The following SLCO3A1 variants were observed in gnomAD, a reference collection of about 807,000 sequenced individuals.
The protein encoded by SLCO3A1 is solute carrier organic anion transporter family member 3A1.
In SLCO3A1, 27 loss-of-function variants were observed where a neutral mutation model predicts 63.1. The ratio of observed to expected loss-of-function variants is 0.43; its 90% CI spans 0.32 to 0.59. SLCO3A1 has a LOEUF of 0.59. Ranked by LOEUF, SLCO3A1 falls within the 20% of genes least tolerant of loss-of-function variation. The probability of loss-of-function intolerance (pLI) is 0.09; values close to 1 mark genes in which losing one functional copy is unlikely to be tolerated. For synonymous variants in SLCO3A1, 473 were observed against 409.9 expected (o/e 1.15, Z -1.86); for missense variants, 773 against 945.8 (o/e 0.82, Z 2.40).
chr15:92,059,966 C>G (rs530665373), intron 2 of SLCO3A1, among the ~76,000 whole-genome samples: 1 of 152,246 alleles, frequency 6.6e-6, no homozygotes, highest in Admixed American at 6.5e-5. Flanking sequence ...CCTGTTGTTC[C>G]TAGGCTACAA....
chr15:92,103,966 C>T (rs2047636443), intron 3 of SLCO3A1, among the ~76,000 whole-genome samples: 1 of 152,206 alleles, frequency 6.6e-6, no homozygotes, highest in Non-Finnish European at 1.5e-5. Context: ...TTTCAGTACA[C>T]CTTAGCAGTG....
At chr15:92,113,421 C>G (rs1485580389) in intron 4 of SLCO3A1, among the ~76,000 whole-genome samples, 1 of 152,138 alleles carries the variant, frequency 6.6e-6, no homozygotes, top group African/African-American at 2.4e-5. Flanking sequence ...CCGCACCCAG[C>G]TAACATTGGG....
chr15:92,147,332 C>T (rs969889199), intron 8 of SLCO3A1, among the ~76,000 whole-genome samples, 173 bp downstream of exon 8: 1 of 151,946 alleles, frequency 6.6e-6, no homozygotes, highest in East Asian at 1.9e-4. Context: ...TTGATAGGGA[C>T]CTCCCACCAA....
rs112158631 is a variant in SLCO3A1, at chr15:92,141,829, C to G, written c.1513-5155C>G. ...GCACAACGTTGGACAAATCTGGGCT[C>G]TTATGTCACACAAGCCCAGTAAAGG... is the stretch of plus-strand genomic sequence containing the variant. On this transcript the variant is annotated intron_variant, in intron 7 of 9. Transcript: ENST00000318445. Among the ~76,000 whole-genome samples the G allele has an allele frequency of 5.4e-3, 816 of 152,314 alleles. 7 individuals carry two copies. The highest frequency in any genetic ancestry group is 0.019 in the African/African-American group (780 of 41,564).
At chr15:91,957,701 C>A (rs768967312) in intron 2 of SLCO3A1, among the ~76,000 whole-genome samples, 2 of 152,146 alleles carry the variant, frequency 1.3e-5, no homozygotes, top group Non-Finnish European at 2.9e-5. Context: ...AAAGTTGTAT[C>A]CCTGTTGTCA....
chr15:92,095,512 A>G (rs529811900), intron 3 of SLCO3A1, among the ~76,000 whole-genome samples: 2 of 152,316 alleles, frequency 1.3e-5, no homozygotes, highest in African/African-American at 2.4e-5. Flanking sequence ...ATTCAAAACC[A>G]TTTTAAGCAG....
chr15:91,893,870 G>A (rs1039227314), intron 1 of SLCO3A1, among the ~76,000 whole-genome samples: 1 of 152,138 alleles, frequency 6.6e-6, no homozygotes, highest in Non-Finnish European at 1.5e-5. Context: ...TAAAGTCTTG[G>A]CTTTCAAAGA....
intron 1 of SLCO3A1, among the ~76,000 whole-genome samples, chr15:91,868,571 C>T (rs1208296664): frequency 2.0e-5 from 3 of 152,122 alleles, no homozygotes; most frequent in Non-Finnish European, 4.4e-5. Flanking sequence ...CTTCCAGGCC[C>T]ACACGGTGGT....
Position 91,992,094 on chromosome 15 carries a change from A to T in SLCO3A1, c.646+75636A>T, listed in dbSNP as rs114258355. On this transcript the variant is annotated intron_variant, in intron 2 of 9. Coordinates refer to ENST00000318445, the MANE Select transcript of SLCO3A1 (RefSeq NM_013272.4). ...TCTACCCTGTGCCACAGGAGTTCAC[A>T]GTTTAAGTTCTAATCCATACTTCAA... 4.5e-3 allele frequency among the ~76,000 whole-genome samples: 689 copies of T among 151,822 alleles called. 13 individuals are homozygous for T. The highest frequency in any genetic ancestry group is 0.016 in the African/African-American group (661 of 41,532).
intron 2 of SLCO3A1, among the ~76,000 whole-genome samples, chr15:92,032,186 G>A (rs1364367637): frequency 6.6e-6 from 1 of 152,226 alleles, no homozygotes; most frequent in Non-Finnish European, 1.5e-5. Context: ...CTAAGAAAAG[G>A]CTGGCATTAA....
chr15:91,878,064 A>C (rs1161829105), intron 1 of SLCO3A1, among the ~76,000 whole-genome samples: 4 of 149,752 alleles, frequency 2.7e-5, no homozygotes, highest in Non-Finnish European at 4.4e-5. Context: ...ATCAGGTGGC[A>C]TCTGAAGTAG....
intron 1 of SLCO3A1, among the ~76,000 whole-genome samples, chr15:91,892,308 G>A (rs1025119424): frequency 6.6e-5 from 10 of 152,150 alleles, no homozygotes; most frequent in Non-Finnish European, 1.2e-4. Context: ...GGATGCATTG[G>A]AGCAGTGTTT....
intron 2 of SLCO3A1, among the ~76,000 whole-genome samples, chr15:91,940,558 CT>C: frequency 6.6e-6 from 1 of 152,298 alleles, no homozygotes; most frequent in South Asian, 2.1e-4. Flanking sequence ...ACTGATGGCC[CT>C]TTTTGTGGTT....
chr15:92,158,049 G>A (rs1029948340), intron 9 of SLCO3A1, among the ~76,000 whole-genome samples: 7 of 152,124 alleles, frequency 4.6e-5, no homozygotes, highest in Admixed American at 6.6e-5. Flanking sequence ...AGCCTACCAC[G>A]ATGACAACTC....
At chr15:92,003,821 G>C (rs904756173) in intron 2 of SLCO3A1, among the ~76,000 whole-genome samples, 1 of 152,184 alleles carries the variant, frequency 6.6e-6, no homozygotes, top group East Asian at 1.9e-4. Context: ...CTGTGGGTCG[G>C]ATCACAGCCC....
chr15:91,961,027 C>T (rs973039958), intron 2 of SLCO3A1, among the ~76,000 whole-genome samples: 10 of 152,142 alleles, frequency 6.6e-5, no homozygotes, highest in South Asian at 2.1e-4. Context: ...TATTTTACTC[C>T]GCTCTCAGGA....
rs779038694 is a variant in SLCO3A1, at chr15:91,916,058, T to C, written c.246T>C (p.Ala82=). ...AGAGCGCTGACGTGGGTGTGATCGCTAGCAGCTTCGAGATCGGGAACCTGG... is the reference window on the plus strand; with the variant it reads ...AGAGCGCTGACGTGGGTGTGATCGCCAGCAGCTTCGAGATCGGGAACCTGG... ...NLQSADVGVI[A]SSFEIGNLAL... is the part of the protein sequence containing the mutation. The change falls in exon 2 of 10, where the codon GCT becomes GCC. Residue 82 remains alanine (A), a synonymous_variant. Coordinates refer to ENST00000318445, the MANE Select transcript of SLCO3A1 (RefSeq NM_013272.4). The surrounding 1 kb of genome is among the most constrained non-coding windows in gnomAD (Gnocchi z 6.2). 1.2e-6 allele frequency: 2 copies of C among 1,613,320 alleles called. No individual in the cohort carries two copies. Among genetic ancestry groups the C allele is most frequent in the Non-Finnish European group, 1.7e-6 (2 of 1,179,966 alleles).
chr15:92,126,191 C>T lies in SLCO3A1; in HGVS notation c.1305C>T (p.Tyr435=), dbSNP rs140581310. The change falls in exon 6 of 10, where the codon TAC becomes TAT. Residue 435 remains tyrosine, a synonymous_variant. Coordinates refer to ENST00000318445, the MANE Select transcript of SLCO3A1 (RefSeq NM_013272.4). ...MLVNLVSTAC[Y]VSFLFLGCDT... ...TCAACCTGGTGTCCACTGCTTGCTACGTCTCCTTCCTCTTCCTGGGCTGCG... is the reference window on the plus strand; with the variant it reads ...TCAACCTGGTGTCCACTGCTTGCTATGTCTCCTTCCTCTTCCTGGGCTGCG... 4.3e-5 allele frequency: 70 copies of T among 1,614,026 alleles called. No homozygotes were observed. The African/African-American group carries it at 6.4e-4, about 15-fold the overall frequency.
chr15:91,902,508 C>T (rs1898185780), intron 1 of SLCO3A1, among the ~76,000 whole-genome samples: 1 of 151,880 alleles, frequency 6.6e-6, no homozygotes, highest in African/African-American at 2.4e-5. Flanking sequence ...GGGGGATTTC[C>T]TTGTTTATTT....
Sources: allele counts gnomAD v4.1 joint callset (sites outside exome capture counted in the v4.1 genomes callset), GRCh38; gene constraint gnomAD v4.1.1; non-coding constraint Gnocchi (gnomAD v3.1); transcripts MANE v1.5; gene names NCBI Gene and HGNC (gene_info 2026-07-23, HGNC 2026-07-21).